MUSK: variants seen among roughly 807,000 people sequenced by gnomAD.
MUSK encodes the protein muscle, skeletal receptor tyrosine-protein kinase.
MUSK carries 55 observed loss-of-function variants against 88.7 expected under a neutral mutation model. The ratio of observed to expected loss-of-function variants is 0.62; its 90% CI spans 0.50 to 0.78. The LOEUF (loss-of-function observed/expected upper bound fraction) is 0.78, where lower values mean the gene tolerates loss of function less well. Ranked by LOEUF, MUSK falls within the 30% of genes least tolerant of loss-of-function variation. The pLI, the probability that MUSK is intolerant of heterozygous loss-of-function variation, is 0.00. For synonymous variants in MUSK, 387 were observed against 391.9 expected (o/e 0.99, Z 0.15); for missense variants, 1,015 against 1,074.3 (o/e 0.94, Z 0.77).
intron 5 of MUSK, among the ~76,000 whole-genome samples, chr9:110,701,888 T>C (rs868012519): frequency 1.8e-5 from 2 of 111,448 alleles, no homozygotes; most frequent in South Asian, 5.5e-4. Context: ...TATTTTATTT[T>C]ATTTTATTTT....
chr9:110,694,400 A>AAAAAAAC (rs1564224169), intron 3 of MUSK, among the ~76,000 whole-genome samples: 12 of 130,434 alleles, frequency 9.2e-5, no homozygotes, highest in Non-Finnish European at 4.7e-5. Flanking sequence ...AAAAAAAAAA[A>AAAAAAAC]AAAAAACAAA....
chr9:110,787,790 G>C lies in MUSK; in HGVS notation c.1879G>C (p.Ala627Pro), dbSNP rs1447104944. Residue 627 changes from alanine to proline, a missense_variant, in exon 14 of 15, where the codon GCA (alanine) becomes CCA (proline). Physicochemically the swap from Ala to Pro is conservative, Grantham distance 27 (BLOSUM62 -1). Coordinates refer to ENST00000374448, the MANE Select transcript of MUSK (RefSeq NM_005592.4). Reference protein sequence around the residue: ...ADMQADFQREAALMAEFDNPN... With the variant: ...ADMQADFQREPALMAEFDNPN... Reference sequence around the variant, plus strand: ...TATGCAAGCGGACTTTCAGAGGGAGGCAGCCCTCATGGCAGAATTTGACAA... The same window carrying C: ...TATGCAAGCGGACTTTCAGAGGGAGCCAGCCCTCATGGCAGAATTTGACAA... 1 of 1,613,630 alleles carries C rather than the reference G, an allele frequency of 6.2e-7. No individual in the cohort carries two copies.
At chr9:110,750,309 G>A (rs974016455) in intron 7 of MUSK, among the ~76,000 whole-genome samples, 1 of 152,144 alleles carries the variant, frequency 6.6e-6, no homozygotes, top group Non-Finnish European at 1.5e-5. Context: ...CAAAGGAGAA[G>A]AGGATTTGTA....
At chr9:110,742,709 C>T (rs2077118982) in intron 6 of MUSK, among the ~76,000 whole-genome samples, 1 of 152,074 alleles carries the variant, frequency 6.6e-6, no homozygotes. Flanking sequence ...ATGTGACTCA[C>T]AAAAAGTGAA....
At chr9:110,738,086 A>T (rs912639215) in intron 6 of MUSK, among the ~76,000 whole-genome samples, 2 of 152,128 alleles carry the variant, frequency 1.3e-5, no homozygotes, top group Non-Finnish European at 2.9e-5. Flanking sequence ...GGGAAAATGT[A>T]TCCATTCTCC....
intron 7 of MUSK, among the ~76,000 whole-genome samples, chr9:110,749,109 GCTGTTTATAAAGCACTTTTA>G (rs1472421335): frequency 3.9e-5 from 6 of 152,116 alleles, no homozygotes; most frequent in Non-Finnish European, 8.8e-5. Flanking sequence ...ATAGCACTTT[GCTGTTTATAAAGCACTTTTA>G]CATGCATTTA....
intron 7 of MUSK, among the ~76,000 whole-genome samples, chr9:110,753,170 C>A (rs922263592): frequency 1.3e-5 from 2 of 152,154 alleles, no homozygotes; most frequent in African/African-American, 4.8e-5. Flanking sequence ...GTGACTCACA[C>A]CTGTAACCCC....
Position 110,787,756 on chromosome 9 carries a change from C to A in MUSK, c.1845C>A (p.Ala615=). The change falls in exon 14 of 15, where the codon GCC becomes GCA. Residue 615 remains alanine, a synonymous_variant. Coordinates refer to ENST00000374448, the MANE Select transcript of MUSK (RefSeq NM_005592.4). ...CAGTAAAGATGCTCAAAGAAGAAGCCTCGGCAGATATGCAAGCGGACTTTC... is the reference window on the plus strand; with the variant it reads ...CAGTAAAGATGCTCAAAGAAGAAGCATCGGCAGATATGCAAGCGGACTTTC... The part of the protein sequence containing the change: ...MVAVKMLKEE[A]SADMQADFQR... 1 of 1,613,884 alleles carries A rather than the reference C, an allele frequency of 6.2e-7. No individual in the cohort carries two copies. The highest frequency in any genetic ancestry group is 8.5e-7 in the Non-Finnish European group (1 of 1,179,844).
At chr9:110,712,434 G>T (rs1474703980) in intron 5 of MUSK, among the ~76,000 whole-genome samples, 2 of 152,140 alleles carry the variant, frequency 1.3e-5, no homozygotes, top group African/African-American at 4.8e-5. Flanking sequence ...TCTATGGAAA[G>T]AGAAAGAAAT....
intron 7 of MUSK, 153 bp from the exon 8 acceptor site, chr9:110,762,049 T>C (rs1317935456): frequency 1.3e-6 from 1 of 771,116 alleles, no homozygotes; most frequent in Admixed American, 6.3e-5. Context: ...ATGCAGCATC[T>C]GGCCTCCTAG....
At chr9:110,703,894 A>G (rs968286609) in intron 5 of MUSK, among the ~76,000 whole-genome samples, 3 of 152,214 alleles carry the variant, frequency 2.0e-5, no homozygotes, top group Admixed American at 6.5e-5. Context: ...CCAAGTCCCA[A>G]TCGGTAAAAA....
intron 6 of MUSK, among the ~76,000 whole-genome samples, chr9:110,736,813 A>C (rs1308732875): frequency 1.3e-5 from 2 of 152,114 alleles, no homozygotes; most frequent in African/African-American, 2.4e-5. Flanking sequence ...CAGGGACAAG[A>C]GGTTACTGCT....
chr9:110,784,857 C>A lies in MUSK; in HGVS notation c.1427C>A (p.Pro476Gln), dbSNP rs762375601. 6.2e-7 allele frequency: 1 copy of A among 1,613,738 alleles called. No individual in the cohort carries two copies. The highest frequency in any genetic ancestry group is 8.5e-7 in the Non-Finnish European group (1 of 1,179,772). ...TCCTCAAAGCCAAGTGTGGACATTC[C>A]AAATCTGCCTTCCTCCTCCTCTTCT... The part of the protein sequence containing the change: ...MTSSKPSVDI[P>Q]NLPSSSSSSF... The change falls in exon 12 of 15, where the codon CCA becomes CAA. Residue 476 changes from proline (P) to glutamine (Q), a missense_variant. Coordinates refer to ENST00000374448, the MANE Select transcript of MUSK (RefSeq NM_005592.4).
chr9:110,736,215 C>T (rs180915991), intron 6 of MUSK, among the ~76,000 whole-genome samples: 2 of 152,080 alleles, frequency 1.3e-5, no homozygotes, highest in African/African-American at 2.4e-5. Context: ...TTGATCATTA[C>T]ACATTGTATG....
rs551122001 is a variant in MUSK, at chr9:110,805,740, T to C, written c.*4752T>C. On this transcript the variant is annotated 3_prime_UTR_variant, in exon 15 of 15. Transcript: ENST00000374448. ...TCAATTGTATGAATTTATTTCCTAA[T>C]GTAGCGATATCCTTGTCTTCTAGGA... 2.0e-5 allele frequency among the ~76,000 whole-genome samples: 3 copies of C among 152,024 alleles called. No individual in the cohort carries two copies. The highest frequency in any genetic ancestry group is 4.4e-5 in the Non-Finnish European group (3 of 67,878).
chr9:110,686,174 G>A (rs553557602), intron 2 of MUSK, among the ~76,000 whole-genome samples: 332 of 152,090 alleles, frequency 2.2e-3, no homozygotes, highest in African/African-American at 7.5e-3. Flanking sequence ...GGCCACCTGC[G>A]TTCCTTGGCC....
chr9:110,750,579 G>A (rs2077235628), intron 7 of MUSK, among the ~76,000 whole-genome samples: 2 of 152,084 alleles, frequency 1.3e-5, no homozygotes, highest in Admixed American at 1.3e-4. Flanking sequence ...CCCTACTGTG[G>A]CCCTGTGGCT....
At chr9:110,697,039 T>C (rs1006411271) in intron 4 of MUSK, among the ~76,000 whole-genome samples, 40 of 148,392 alleles carry the variant, frequency 2.7e-4, no homozygotes, top group Middle Eastern at 3.6e-3. Context: ...TACATATATA[T>C]ATTATACATA....
chr9:110,779,058 C>CTGTGTGTG lies in MUSK; in HGVS notation c.1384+2421_1384+2428dup, dbSNP rs10680441. On this transcript the variant is annotated intron_variant, in intron 11 of 14. Coordinates refer to ENST00000374448, the MANE Select transcript of MUSK (RefSeq NM_005592.4). ...ATGAAATCATGAAGCGTCAGTGTCT[C>CTGTGTGTG]TGTGTGTGTGTGTGTGTGTGTGTGT... 4.1e-3 allele frequency among the ~76,000 whole-genome samples: 616 copies of CTGTGTGTG among 149,714 alleles called. 3 individuals carry two copies. The highest frequency in any genetic ancestry group is 0.017 in the Middle Eastern group (5 of 292).
Sources: gnomAD v4.1 joint callset for allele counts (sites outside exome capture counted in the v4.1 genomes callset) on GRCh38, gnomAD v4.1.1 for gene constraint, MANE v1.5 for transcripts, NCBI Gene and HGNC (gene_info 2026-07-23, HGNC 2026-07-21) for gene names.